Variants in COL9A1 observed in about 807,000 individuals in gnomAD.
COL9A1 encodes collagen type IX alpha 1 chain.
Under a neutral mutation model 142.6 loss-of-function variants are expected in COL9A1, and 104 were observed. The observed-to-expected ratio is 0.73, with a 90% CI of 0.62 to 0.86. The LOEUF (loss-of-function observed/expected upper bound fraction) is 0.86. COL9A1 is among the 40% of genes least tolerant of loss of function. The pLI, the probability that COL9A1 is intolerant of heterozygous loss-of-function variation, is 0.00. For synonymous variants in COL9A1, 466 were observed against 396.0 expected (o/e 1.18, Z -2.10); for missense variants, 1,210 against 1,176.6 (o/e 1.03, Z -0.42).
At position 70,298,157 on chromosome 6, in the gene COL9A1, G is replaced by A. The variant is rs572988113; in HGVS notation, c.299+1886C>T. 3.0e-4 allele frequency among the ~76,000 whole-genome samples: 45 copies of A among 152,254 alleles called. 1 individual carries two copies. The South Asian group carries it at 8.9e-3, about 30-fold the overall frequency. On this transcript the variant is annotated intron_variant, in intron 4 of 37. Coordinates refer to ENST00000357250, the MANE Select transcript of COL9A1 (RefSeq NM_001851.6). The stretch of plus-strand genomic sequence containing the variant: ...AGATTATAAAGAAAGGATCCTCTAA[G>A]GAGAAAAGACTTTCATATACATGCA...
At chr6:70,243,790 C>G (rs891120373) in intron 28 of COL9A1, among the ~76,000 whole-genome samples, 1 of 152,106 alleles carries the variant, frequency 6.6e-6, no homozygotes, top group Non-Finnish European at 1.5e-5. Context: ...GGCCTCCCAA[C>G]GTGCTGGGAT....
intron 10 of COL9A1, chr6:70,280,302 C>T (rs1046346022): frequency 8.2e-7 from 1 of 1,223,232 alleles, no homozygotes; most frequent in East Asian, 3.4e-5. Flanking sequence ...ACTTCAAGTG[C>T]ATCTTTCTTT....
At chr6:70,281,303 A>G (rs1773146189) in intron 8 of COL9A1, 87 bp downstream of exon 8, 7 of 1,330,640 alleles carry the variant, frequency 5.3e-6, no homozygotes, top group Non-Finnish European at 7.3e-6. Flanking sequence ...CCTCTCTGAA[A>G]AAAAAAAAAA....
chr6:70,286,890 G>T (rs1194655816), intron 5 of COL9A1, among the ~76,000 whole-genome samples: 4 of 152,198 alleles, frequency 2.6e-5, no homozygotes, highest in Admixed American at 2.6e-4. Context: ...GTAGACCGGA[G>T]ACATGCTCAT....
At chr6:70,221,460 G>C (rs1768876628) in intron 37 of COL9A1, among the ~76,000 whole-genome samples, 1 of 152,166 alleles carries the variant, frequency 6.6e-6, no homozygotes. Flanking sequence ...TGCAGCAATG[G>C]AAATGGAAAA....
At chr6:70,235,290 TA>T (rs1769836141) in intron 33 of COL9A1, among the ~76,000 whole-genome samples, 1 of 152,082 alleles carries the variant, frequency 6.6e-6, no homozygotes, top group Admixed American at 6.5e-5. Flanking sequence ...CTGTCTCTAC[TA>T]AAAATACAAA....
chr6:70,286,973 G>T (rs1469083778), intron 5 of COL9A1, among the ~76,000 whole-genome samples: 1 of 152,198 alleles, frequency 6.6e-6, no homozygotes, highest in African/African-American at 2.4e-5. Context: ...ACACAAAAAT[G>T]TCTACCATAT....
rs528739149 is a variant in COL9A1 at position 70,254,025 on chromosome 6, C to G, written c.1719+451G>C. Among the ~76,000 whole-genome samples, 228 of 152,314 alleles carry G rather than the reference C, an allele frequency of 1.5e-3. 1 individual carries two copies. The highest frequency in any genetic ancestry group is 5.1e-3 in the African/African-American group (212 of 41,568). ...ATACACGTGGTACAATCCACACGAA[C>G]TTCCAGACACATTAATGCAGGGAAA... On this transcript the variant is annotated intron_variant, in intron 25 of 37. Coordinates refer to ENST00000357250, the MANE Select transcript of COL9A1 (RefSeq NM_001851.6).
chr6:70,268,763 T>C, intron 17 of COL9A1, 41 bp downstream of exon 17: 1 of 1,575,224 alleles, frequency 6.3e-7, no homozygotes, highest in Non-Finnish European at 8.7e-7. Flanking sequence ...CCATTTTATC[T>C]GTGGATAATA....
intron 10 of COL9A1, chr6:70,279,935 T>G (rs1246160756): frequency 1.6e-6 from 1 of 610,884 alleles, no homozygotes; most frequent in African/African-American, 1.9e-5. Context: ...GTAACTTGAG[T>G]GATGCACCAT....
chr6:70,245,535 G>A (rs1183464274), intron 28 of COL9A1: 2 of 150,736 alleles, frequency 1.3e-5, no homozygotes, highest in African/African-American at 2.4e-5. Context: ...ATGGGCAAGA[G>A]AGGGTGGTAG....
At chr6:70,240,884 C>G (rs1345319739) in intron 31 of COL9A1, 151 bp from the exon 32 acceptor site, 4 of 733,922 alleles carry the variant, frequency 5.5e-6, no homozygotes, top group African/African-American at 3.6e-5. Context: ...TCCAATCTAG[C>G]TGTCAGTGGT....
intron 4 of COL9A1, among the ~76,000 whole-genome samples, chr6:70,298,560 T>C (rs892397092): frequency 6.6e-6 from 1 of 152,172 alleles, no homozygotes. Context: ...ATGTGAGACA[T>C]TAAATATAGC....
At chr6:70,245,641 G>A (rs1055740343) in intron 28 of COL9A1, 1 of 152,114 alleles carries the variant, frequency 6.6e-6, no homozygotes, top group African/African-American at 2.4e-5. Context: ...CTGGAATAAA[G>A]GCAAAAATCC....
chr6:70,293,197 G>A (rs1484435669), intron 5 of COL9A1, among the ~76,000 whole-genome samples: 1 of 152,132 alleles, frequency 6.6e-6, no homozygotes, highest in African/African-American at 2.4e-5. Context: ...ATGAGAGAAA[G>A]AGAGAGAGAA....
intron 19 of COL9A1, 142 bp downstream of exon 19, chr6:70,263,102 A>G (rs1771796055): frequency 1.7e-6 from 1 of 582,874 alleles, no homozygotes; most frequent in Non-Finnish European, 3.0e-6. Flanking sequence ...GTTATCCCCC[A>G]GTGCTGGCGT....
At chr6:70,296,215 A>G (rs1773844450) in intron 4 of COL9A1, among the ~76,000 whole-genome samples, 1 of 152,190 alleles carries the variant, frequency 6.6e-6, no homozygotes, top group Admixed American at 6.5e-5. Context: ...TTAACTTTTC[A>G]TCTGAATACT....
chr6:70,268,761 T>C (rs776642442), intron 17 of COL9A1, 43 bp downstream of exon 17: 1 of 1,570,500 alleles, frequency 6.4e-7, no homozygotes, highest in Non-Finnish European at 8.8e-7. Flanking sequence ...CTCCATTTTA[T>C]CTGTGGATAA....
At chr6:70,215,443 T>A (rs569117577), downstream of COL9A1, 68 of 152,350 alleles carry the variant, frequency 4.5e-4, no homozygotes, top group African/African-American at 1.6e-3. Context: ...CAGAATTTAG[T>A]TCCATAAACT....
Sources: gnomAD v4.1 joint callset for allele counts (sites outside exome capture counted in the v4.1 genomes callset) on GRCh38, gnomAD v4.1.1 for gene constraint, MANE v1.5 for transcripts, NCBI Gene and HGNC (gene_info 2026-07-23, HGNC 2026-07-21) for gene names.